The following PRR16 variants were observed in gnomAD, a reference collection of about 807,000 sequenced individuals.
The protein encoded by PRR16 is protein Largen.
Under a neutral mutation model 18.2 loss-of-function variants are expected in PRR16, and 6 were observed. That is an observed-to-expected ratio of 0.33 (90% CI 0.18 to 0.65). PRR16 has a LOEUF of 0.65. Ranked by LOEUF, PRR16 falls within the 30% of genes least tolerant of loss-of-function variation. The pLI is 0.74. For missense variants in PRR16, 412 were observed against 376.6 expected, an observed-to-expected ratio of 1.09 and a Z score of -0.78; for synonymous variants, 151 against 147.8, an observed-to-expected ratio of 1.02 and a Z score of -0.16.
At chr5:120,604,591 GT>G (rs1198054344) in intron 1 of PRR16, among the ~76,000 whole-genome samples, 1 of 152,092 alleles carries the variant, frequency 6.6e-6, no homozygotes, top group Admixed American at 6.5e-5. Flanking sequence ...CTGTCATCAT[GT>G]TGTAAGTTGG....
chr5:120,582,326 G>T lies in PRR16; in HGVS notation c.160-103628G>T, dbSNP rs182567624. ...AAAAGGGCATAAGGAGGGGAGTGAG[G>T]GTTGGAGGAATATTTATTGAATATA... On this transcript the variant is annotated intron_variant, in intron 1 of 1. Transcript: ENST00000407149. Among the ~76,000 whole-genome samples, 5 of 152,102 alleles carry T rather than the reference G, an allele frequency of 3.3e-5. No individual in the cohort carries two copies. In the East Asian group the frequency reaches 9.7e-4, roughly 29 times the overall value.
intron 1 of PRR16, among the ~76,000 whole-genome samples, chr5:120,587,489 G>A (rs558552536): frequency 1.2e-4 from 19 of 152,234 alleles, no homozygotes; most frequent in Non-Finnish European, 1.9e-4. Context: ...TGAAGCTGGT[G>A]CTTATCTGTC....
the PRR16 span, among the ~76,000 whole-genome samples, chr5:120,740,930 A>G: frequency 1.3e-5 from 2 of 152,130 alleles, no homozygotes; most frequent in Non-Finnish European, 2.9e-5. Context: ...TAGCAAAATC[A>G]TAGATCTTTT....
intron 1 of PRR16, among the ~76,000 whole-genome samples, chr5:120,577,503 T>C (rs112130961): frequency 6.6e-6 from 1 of 151,968 alleles, no homozygotes; most frequent in Non-Finnish European, 1.5e-5. Context: ...TTCTTCTTTT[T>C]TGTAACATGG....
intron 1 of PRR16, among the ~76,000 whole-genome samples, chr5:120,488,921 T>G (rs1749917189): frequency 6.6e-6 from 1 of 152,202 alleles, no homozygotes; most frequent in Non-Finnish European, 1.5e-5. Context: ...CAGTAGTCAT[T>G]CAGGAGCAGG....
chr5:120,565,941 G>C (rs1224760029), intron 1 of PRR16, among the ~76,000 whole-genome samples: 1 of 152,144 alleles, frequency 6.6e-6, no homozygotes, highest in Admixed American at 6.5e-5. Context: ...ATTTAGCTTA[G>C]TGTCACACAG....
chr5:120,740,956 G>A, the PRR16 span, among the ~76,000 whole-genome samples: 1 of 151,744 alleles, frequency 6.6e-6, no homozygotes, highest in Non-Finnish European at 1.5e-5. Flanking sequence ...AAAATTAAGA[G>A]CACAATTAAT....
chr5:120,481,949 A>T, intron 1 of PRR16, among the ~76,000 whole-genome samples: 1 of 152,036 alleles, frequency 6.6e-6, no homozygotes, highest in Non-Finnish European at 1.5e-5. Context: ...GTTCTTTTTT[A>T]TTGTTGTTAT....
rs1757153718 is a variant in PRR16 at position 120,687,195 on chromosome 5, G to A, written c.*486G>A. ...TAAATGCTGAGGCCAATACCAAGAA[G>A]TTTATTTTCTATATTATACAATTAT... On this transcript the variant is annotated 3_prime_UTR_variant, in exon 2 of 2. Transcript: ENST00000407149. The A allele has an allele frequency of 6.6e-6, 1 of 152,234 alleles. No individual in the cohort carries two copies. Among genetic ancestry groups the A allele is most frequent in the African/African-American group, 2.4e-5 (1 of 41,342 alleles). 9.4% of individuals were successfully genotyped at this position (152,234 alleles called of 1,614,324 possible).
At position 120,550,956 on chromosome 5, in the gene PRR16, G is replaced by A. The variant is rs1020375633; in HGVS notation, c.159+86311G>A. Among the ~76,000 whole-genome samples the A allele has an allele frequency of 5.9e-5, 9 of 151,866 alleles. No individual in the cohort carries two copies. The South Asian group carries it at 6.2e-4, about 10-fold the overall frequency. ...ATATATTCAAAGTATACAATGTGAC[G>A]TTCTGATACATGTAGACATTGTGAA... On this transcript the variant is annotated intron_variant, in intron 1 of 1. Coordinates refer to ENST00000407149, the MANE Select transcript of PRR16 (RefSeq NM_001300783.2).
intron 1 of PRR16, among the ~76,000 whole-genome samples, chr5:120,625,410 G>C (rs1754831310): frequency 6.6e-6 from 1 of 152,100 alleles, no homozygotes; most frequent in East Asian, 1.9e-4. Context: ...ACTCAATGCA[G>C]ACTGCAACCT....
At chr5:120,504,996 T>G (rs1446872529) in intron 1 of PRR16, among the ~76,000 whole-genome samples, 1 of 152,158 alleles carries the variant, frequency 6.6e-6, no homozygotes, top group Non-Finnish European at 1.5e-5. Flanking sequence ...ACCTCTCAGG[T>G]TCTTCAGGCT....
the PRR16 span, among the ~76,000 whole-genome samples, chr5:120,778,396 A>G: frequency 6.6e-6 from 1 of 152,194 alleles, no homozygotes; most frequent in Admixed American, 6.5e-5. Context: ...CCTTAATCTT[A>G]CATTATTCAT....
At chr5:120,757,814 T>G in the PRR16 span, among the ~76,000 whole-genome samples, 1 of 133,042 alleles carries the variant, frequency 7.5e-6, no homozygotes, top group East Asian at 1.9e-4. Flanking sequence ...GTGACTGATA[T>G]ACTCAAAATG....
At chr5:120,566,079 TCACA>T (rs1752727418) in intron 1 of PRR16, among the ~76,000 whole-genome samples, 1 of 152,206 alleles carries the variant, frequency 6.6e-6, no homozygotes, top group Non-Finnish European at 1.5e-5. Context: ...GACAGGACCT[TCACA>T]AGGTCATTAG....
At chr5:120,749,720 C>CAAGA in the PRR16 span, among the ~76,000 whole-genome samples, 2 of 151,966 alleles carry the variant, frequency 1.3e-5, no homozygotes, top group Non-Finnish European at 1.5e-5. Flanking sequence ...TTTCAAAGAG[C>CAAGA]AAGAGTAAAT....
At chr5:120,749,939 A>G in the PRR16 span, among the ~76,000 whole-genome samples, 5 of 152,180 alleles carry the variant, frequency 3.3e-5, no homozygotes, top group African/African-American at 1.2e-4. Context: ...AAGATCATGT[A>G]ACAATTTATT....
chr5:120,704,949 A>G, the PRR16 span, among the ~76,000 whole-genome samples: 1 of 152,138 alleles, frequency 6.6e-6, no homozygotes, highest in Non-Finnish European at 1.5e-5. Context: ...TTTTAATTTA[A>G]TGCAGTATTA....
intron 1 of PRR16, among the ~76,000 whole-genome samples, chr5:120,616,122 A>G (rs1352583870): frequency 2.0e-5 from 3 of 152,134 alleles, no homozygotes; most frequent in Non-Finnish European, 4.4e-5. Flanking sequence ...CATTCCTAGT[A>G]CTGACACAGC....
Sources: allele counts gnomAD v4.1 joint callset (sites outside exome capture counted in the v4.1 genomes callset), GRCh38; gene constraint gnomAD v4.1.1; transcripts MANE v1.5; gene names NCBI Gene and HGNC (gene_info 2026-07-23, HGNC 2026-07-21).